Variants in BRD9 observed in about 807,000 individuals in gnomAD.
BRD9 encodes bromodomain containing 9, also known as bromodomain-containing protein 9.
A neutral mutation model predicts 68.7 loss-of-function variants in BRD9; 47 were observed. The ratio of observed to expected loss-of-function variants is 0.68; its 90% confidence interval spans 0.54 to 0.87. BRD9 has a LOEUF of 0.87. BRD9 is among the 40% of genes least tolerant of loss of function. The pLI, the probability that BRD9 is intolerant of heterozygous loss-of-function variation, is 0.00. For synonymous variants in BRD9, 313 were observed against 293.9 expected (o/e 1.06, Z -0.67); for missense variants, 670 against 748.4 (o/e 0.90, Z 1.22).
intron 12 of BRD9, among the ~76,000 whole-genome samples, chr5:873,106 A>G (rs1414270899): frequency 6.6e-6 from 1 of 152,212 alleles, no homozygotes; most frequent in Admixed American, 6.5e-5. Context: ...CAGAGGTTGC[A>G]GTGAGCCACA....
At position 891,871 on chromosome 5, in the gene BRD9, C is replaced by G; in HGVS notation, c.53-17G>C. 1.3e-6 allele frequency: 2 copies of G among 1,550,220 alleles called. No individual in the cohort carries two copies. The highest frequency in any genetic ancestry group is 2.4e-5 in the East Asian group (1 of 40,906). ...CGGCATAATCTGCACAGACACAGACCGAGTTCTACCCGCGTGCTCAGGTGC... is the reference window on the plus strand; with the variant it reads ...CGGCATAATCTGCACAGACACAGACGGAGTTCTACCCGCGTGCTCAGGTGC... On this transcript the variant is annotated splice_polypyrimidine_tract_variant and intron_variant, in intron 1 of 15. Transcript: ENST00000467963.
chr5:864,582 A>G lies in BRD9; in HGVS notation c.1694-14T>C. 1 of 1,611,414 alleles carries G rather than the reference A, an allele frequency of 6.2e-7. No homozygotes were observed. Among genetic ancestry groups the G allele is most frequent in the Non-Finnish European group, 8.5e-7 (1 of 1,177,960 alleles). The stretch of plus-strand genomic sequence containing the variant: ...GAGAAGGGCTTCCTGCAATTTTCAG[A>G]ACACAGGACTTCAACACACAGGACA... On this transcript the variant is annotated splice_polypyrimidine_tract_variant and intron_variant, in intron 15 of 15. Transcript: ENST00000467963.
In BRD9 at chr5:864,536, G is replaced by GC; in HGVS notation, c.1725dup (p.Pro576AlafsTer9). On this transcript the variant is annotated frameshift_variant, in exon 16 of 16. Coordinates refer to ENST00000467963, the MANE Select transcript of BRD9 (RefSeq NM_023924.5). LOFTEE classifies it high-confidence loss of function. ...TCATAGGGGTCGTGGGTGACGTCTGGCTGCTCCCCGACACTCAGGCGAGAA... is the reference window on the plus strand; with the variant it reads ...TCATAGGGGTCGTGGGTGACGTCTGGCCTGCTCCCCGACACTCAGGCGAGAA... 1.9e-6 allele frequency: 3 copies of GC among 1,613,946 alleles called. No homozygotes were observed.
Position 891,938 on chromosome 5 carries a change from G to A in BRD9, c.53-84C>T, listed in dbSNP as rs993063688. ...GGTGAGACGTGAAGGTGCTAAGAGG[G>A]AAAGGCCTCCCTAAGGAGTACAGCG... On this transcript the variant is annotated intron_variant, in intron 1 of 15. Coordinates refer to ENST00000467963, the MANE Select transcript of BRD9 (RefSeq NM_023924.5). 19 of 1,523,278 alleles carry A rather than the reference G, an allele frequency of 1.2e-5. No homozygotes were observed. In the Admixed American group the frequency reaches 3.0e-4, roughly 24 times the overall value. 94.4% of individuals were successfully genotyped at this position (1,523,278 alleles called of 1,614,324 possible).
At chr5:881,299 A>T in intron 8 of BRD9, 117 bp from the exon 9 acceptor site, 1 of 921,278 alleles carries the variant, frequency 1.1e-6, no homozygotes, top group South Asian at 1.5e-5. Flanking sequence ...CCAAGAACAA[A>T]CGCCAGAGGG....
chr5:885,312 C>T (rs1752388356), intron 7 of BRD9, among the ~76,000 whole-genome samples: 1 of 152,204 alleles, frequency 6.6e-6, no homozygotes, highest in African/African-American at 2.4e-5. Context: ...GCAGCGCACC[C>T]TGTCTCCTAA....
intron 15 of BRD9, 40 bp from the exon 16 acceptor site, chr5:864,608 G>C: frequency 6.4e-7 from 1 of 1,567,970 alleles, no homozygotes; most frequent in Non-Finnish European, 8.8e-7. Context: ...ACACAGGACA[G>C]ACCCGCAGCA....
Position 891,260 on chromosome 5 carries a change from C to T in BRD9, c.295G>A (p.Glu99Lys), listed in dbSNP as rs1175328383. Residue 99 changes from glutamate to lysine, a missense_variant, in exon 3 of 16, where the codon GAG (glutamate) becomes AAG (lysine). By Grantham distance (56) the Glu-to-Lys change is moderately conservative. Coordinates refer to ENST00000467963, the MANE Select transcript of BRD9 (RefSeq NM_023924.5). ...KEEKKRKRER[E>K]HCDTEGEADD... ...GCCTCTCCCTCCGTGTCACAGTGCT[C>T]CCTCTCTCGCTTCCGCTTCTTCTCT... The T allele has an allele frequency of 1.0e-5, 16 of 1,551,630 alleles. No individual in the cohort carries two copies. Among genetic ancestry groups the T allele is most frequent in the Non-Finnish European group, 1.4e-5 (16 of 1,146,992 alleles).
chr5:888,748 C>T (rs1023919860), intron 5 of BRD9, among the ~76,000 whole-genome samples: 3 of 152,198 alleles, frequency 2.0e-5, no homozygotes, highest in African/African-American at 7.2e-5. Context: ...CTGCTTGAAA[C>T]AACATGTCCT....
At chr5:878,068 T>C (rs72703148) in intron 11 of BRD9, among the ~76,000 whole-genome samples, 17,405 of 152,108 alleles carry the variant, frequency 0.11, 1,811 homozygotes, top group African/African-American at 0.28. Flanking sequence ...GCTAGCACGG[T>C]CACTTAGGAA....
At position 865,521 on chromosome 5, in the gene BRD9, T is replaced by C; in HGVS notation, c.1586A>G (p.Lys529Arg). The C allele has an allele frequency of 6.2e-7, 1 of 1,607,510 alleles. No homozygotes were observed. Residue 529 changes from lysine (K) to arginine (R), a missense_variant, in exon 15 of 16, where the codon AAG becomes AGG. By Grantham distance (26) the Lys-to-Arg change is conservative. Around this residue, in one of 5 missense-constraint regions of BRD9, gnomAD observed 280 missense variants for 281.5 expected, o/e 0.99. Coordinates refer to ENST00000467963, the MANE Select transcript of BRD9 (RefSeq NM_023924.5). Reference sequence around the variant, plus strand: ...TGCTTCGTGCAGGTCCTGCAGGAGCTTCGTCGTCTCATCCAAGTTCAAATG... The same window carrying C: ...TGCTTCGTGCAGGTCCTGCAGGAGCCTCGTCGTCTCATCCAAGTTCAAATG... ...DSHLNLDETT[K>R]LLQDLHEAQA... is the part of the protein sequence containing the mutation.
rs1197051754 is a variant in BRD9 at position 864,535 on chromosome 5, G to A, written c.1727C>T (p.Pro576Leu). The A allele has an allele frequency of 2.5e-6, 4 of 1,613,976 alleles. No homozygotes were observed. The highest frequency in any genetic ancestry group is 3.4e-6 in the Non-Finnish European group (4 of 1,179,918). Reference protein sequence around the residue: ...SPSRLSVGEQPDVTHDPYEFL... With the variant: ...SPSRLSVGEQLDVTHDPYEFL... ...CTCATAGGGGTCGTGGGTGACGTCT[G>A]GCTGCTCCCCGACACTCAGGCGAGA... Residue 576 changes from proline (P) to leucine (L), a missense_variant, in exon 16 of 16, where the codon CCA (proline) becomes CTA (leucine). This residue lies in a region of BRD9 where 280 missense variants were observed against 281.5 expected (regional missense o/e 0.99). Transcript: ENST00000467963.
chr5:878,217 C>T (rs766583246), intron 11 of BRD9, 138 bp downstream of exon 11: 87 of 1,278,830 alleles, frequency 6.8e-5, no homozygotes, highest in Middle Eastern at 2.0e-4. Context: ...CTGAAAGCAA[C>T]GGGAAGACCC....
chr5:886,582 G>A lies in BRD9; in HGVS notation c.833+10C>T, dbSNP rs1752599540. On this transcript the variant is annotated intron_variant, in intron 7 of 15. Coordinates refer to ENST00000467963, the MANE Select transcript of BRD9 (RefSeq NM_023924.5). ...TCCAAAAGCAAATGTGGTTTCCACA[G>A]AACCTTTACCTGATAACTTCTCTAC... is the stretch of plus-strand genomic sequence containing the variant. 3 of 1,610,632 alleles carry A rather than the reference G, an allele frequency of 1.9e-6. No homozygotes were observed. The highest frequency in any genetic ancestry group is 2.2e-5 in the East Asian group (1 of 44,844).
At position 889,008 on chromosome 5, in the gene BRD9, G is replaced by C; in HGVS notation, c.606+13C>G. On this transcript the variant is annotated intron_variant, in intron 5 of 15. Transcript: ENST00000467963. ...CTATGCCACGATTACTTCGGGCAAT[G>C]AAAGTAACTTACCTTAAATTCCGTA... The C allele has an allele frequency of 6.2e-6, 10 of 1,602,908 alleles. No individual in the cohort carries two copies. The highest frequency in any genetic ancestry group is 8.5e-6 in the Non-Finnish European group (10 of 1,175,546).
intron 7 of BRD9, 94 bp from the exon 8 acceptor site, chr5:884,164 C>T: frequency 2.0e-6 from 3 of 1,508,494 alleles, no homozygotes; most frequent in Non-Finnish European, 2.7e-6. Context: ...TTCTACCGAC[C>T]CTGCCCTCAG....
At chr5:890,067 G>A (rs1487616664) in intron 3 of BRD9, 12 of 338,164 alleles carry the variant, frequency 3.5e-5, no homozygotes, top group Admixed American at 2.8e-4. Context: ...GTGGTGGTGC[G>A]TGCCTGTAGT....
chr5:883,874 A>G, intron 8 of BRD9, 64 bp downstream of exon 8: 1 of 1,575,412 alleles, frequency 6.3e-7, no homozygotes, highest in Non-Finnish European at 8.6e-7. Context: ...CCAACCCAGA[A>G]GGAGAGGCAC....
chr5:881,122 C>G lies in BRD9; in HGVS notation c.1027G>C (p.Glu343Gln). 6.2e-7 allele frequency: 1 copy of G among 1,614,052 alleles called. No homozygotes were observed. Among genetic ancestry groups the G allele is most frequent in the Non-Finnish European group, 8.5e-7 (1 of 1,180,024 alleles). ...GGGCACCCACCATCAGCGTCCGGCTCGGCCGTGTTGACCACGCTGTAGAGC... is the reference window on the plus strand; with the variant it reads ...GGGCACCCACCATCAGCGTCCGGCTGGGCCGTGTTGACCACGCTGTAGAGC... Reference protein sequence around the residue: ...SLLYSVVNTAEPDADEEETHP... With the variant: ...SLLYSVVNTAQPDADEEETHP... Residue 343 changes from glutamate (E) to glutamine (Q), a missense_variant, in exon 9 of 16, where the codon GAG (glutamate) becomes CAG (glutamine). This residue lies in a region of BRD9 where 135 missense variants were observed against 141.2 expected (regional missense o/e 0.96). Transcript: ENST00000467963.
Sources: allele counts gnomAD v4.1 joint callset (sites outside exome capture counted in the v4.1 genomes callset), GRCh38; gene constraint gnomAD v4.1.1; regional missense constraint gnomAD v4.1.1; transcripts MANE v1.5; gene names NCBI Gene and HGNC (gene_info 2026-07-23, HGNC 2026-07-21).